BCO1: variants seen among roughly 807,000 people sequenced by gnomAD.
BCO1 encodes beta,beta-carotene 15,15'-dioxygenase.
BCO1 carries 54 observed loss-of-function variants against 56.3 expected under a neutral mutation model. The ratio of observed to expected loss-of-function variants is 0.96; its 90% CI spans 0.77 to 1.20. The LOEUF (loss-of-function observed/expected upper bound fraction) is 1.20, where lower values mean the gene tolerates loss of function less well. Ranked by LOEUF, BCO1 falls within the 50% of genes most tolerant of loss-of-function variation. The pLI, the probability that BCO1 is intolerant of heterozygous loss-of-function variation, is 0.00. For missense variants in BCO1, 801 were observed against 690.9 expected, an observed-to-expected ratio of 1.16 and a Z score of -1.79; for synonymous variants, 318 against 266.1, an observed-to-expected ratio of 1.20 and a Z score of -1.90.
At chr16:81,259,895 T>C (rs1906378985) in intron 3 of BCO1, 90 bp downstream of exon 3, 2 of 1,534,166 alleles carry the variant, frequency 1.3e-6, no homozygotes, top group East Asian at 2.3e-5. Context: ...CTGACAATTC[T>C]CTTTAGGGTA....
At position 81,264,694 on chromosome 16, in the gene BCO1, G is replaced by A; in HGVS notation, c.526G>A (p.Asp176Asn). Residue 176 changes from aspartate to asparagine, a missense_variant, in exon 5 of 11, where the codon GAT becomes AAT. Coordinates refer to ENST00000258168, the MANE Select transcript of BCO1 (RefSeq NM_017429.3). The part of the protein sequence containing the change: ...VNLATSHPHY[D>N]EAGNVLNMGT... The stretch of plus-strand genomic sequence containing the variant: ...TCTGGCAACGTCACATCCCCATTAT[G>A]ATGAGGCTGGAAATGTTCTAAACAT... 1.2e-6 allele frequency: 2 copies of A among 1,614,166 alleles called. No homozygotes were observed. The highest frequency in any genetic ancestry group is 1.7e-6 in the Non-Finnish European group (2 of 1,179,992).
At chr16:81,267,312 A>G (rs1323088181) in intron 5 of BCO1, among the ~76,000 whole-genome samples, 2 of 152,086 alleles carry the variant, frequency 1.3e-5, no homozygotes, top group African/African-American at 4.8e-5. Context: ...ATCTGCATTT[A>G]TATAAAACCC....
intron 1 of BCO1, among the ~76,000 whole-genome samples, 180 bp from the exon 2 acceptor site, chr16:81,245,295 C>G (rs1190652254): frequency 1.3e-5 from 2 of 152,216 alleles, no homozygotes; most frequent in African/African-American, 4.8e-5. Flanking sequence ...TCTTGGTATC[C>G]TCAGTGCTAG....
At chr16:81,252,367 T>G (rs1329904283) in intron 2 of BCO1, among the ~76,000 whole-genome samples, 1 of 152,128 alleles carries the variant, frequency 6.6e-6, no homozygotes, top group Non-Finnish European at 1.5e-5. Flanking sequence ...TCAATTCTCC[T>G]GCCTCAGCCT....
At chr16:81,281,494 G>T (rs1907879857) in intron 8 of BCO1, among the ~76,000 whole-genome samples, 1 of 152,168 alleles carries the variant, frequency 6.6e-6, no homozygotes, top group South Asian at 2.1e-4. Context: ...TGTTGGGCCA[G>T]ATGACTTCTG....
chr16:81,242,496 G>A (rs1206796196), intron 1 of BCO1, among the ~76,000 whole-genome samples: 1 of 152,022 alleles, frequency 6.6e-6, no homozygotes, highest in East Asian at 1.9e-4. Flanking sequence ...CCACCGCGCT[G>A]GCCTCGGCTG....
chr16:81,248,052 G>A (rs376447291), intron 2 of BCO1, among the ~76,000 whole-genome samples: 38 of 152,026 alleles, frequency 2.5e-4, no homozygotes, highest in Admixed American at 2.0e-4. Flanking sequence ...TGTGTAAACA[G>A]CTCTGTATTA....
In BCO1 at chr16:81,280,883, C is replaced by G; in HGVS notation, c.1128C>G (p.Ile376Met). ...DKNAEVGTNLIKVASTTATAL... is the reference protein window; with the variant it reads ...DKNAEVGTNLMKVASTTATAL... Reference sequence around the variant, plus strand: ...ATGCAGAAGTGGGCACAAATTTAATCAAAGTGGCATCTACAACAGCCACGG... The same window carrying G: ...ATGCAGAAGTGGGCACAAATTTAATGAAAGTGGCATCTACAACAGCCACGG... The change falls in exon 8 of 11, where the codon ATC (isoleucine) becomes ATG (methionine). Residue 376 changes from isoleucine (I) to methionine (M), a missense_variant. Physicochemically the swap from Ile to Met is conservative, Grantham distance 10 (BLOSUM62 1). Coordinates refer to ENST00000258168, the MANE Select transcript of BCO1 (RefSeq NM_017429.3). The G allele has an allele frequency of 6.2e-7, 1 of 1,613,944 alleles. No individual in the cohort carries two copies. Among genetic ancestry groups the G allele is most frequent in the East Asian group, 2.2e-5 (1 of 44,876 alleles).
At chr16:81,282,073 G>C (rs1907913821) in intron 8 of BCO1, among the ~76,000 whole-genome samples, 2 of 152,222 alleles carry the variant, frequency 1.3e-5, no homozygotes, top group African/African-American at 2.4e-5. Flanking sequence ...GAGTGGGACA[G>C]AGTGCATTTC....
chr16:81,245,715 C>G (rs995386308), intron 2 of BCO1, 112 bp downstream of exon 2: 5 of 1,387,000 alleles, frequency 3.6e-6, no homozygotes, highest in East Asian at 2.4e-5. Context: ...AAGTCTAAAT[C>G]GGGTCTCACT....
At chr16:81,272,140 G>T (rs1251891408) in intron 7 of BCO1, among the ~76,000 whole-genome samples, 1 of 134,086 alleles carries the variant, frequency 7.5e-6, no homozygotes, top group Non-Finnish European at 1.5e-5. Context: ...TTGAGAAGGA[G>T]TCTCGCTCTG....
intron 7 of BCO1, among the ~76,000 whole-genome samples, chr16:81,274,210 G>T (rs1907409778): frequency 6.7e-6 from 1 of 149,946 alleles, no homozygotes; most frequent in African/African-American, 2.4e-5. Context: ...TCATGCTCGA[G>T]AATGCTTTGC....
At chr16:81,290,155 G>A (rs958637863) in intron 10 of BCO1, among the ~76,000 whole-genome samples, 193 bp from the exon 11 acceptor site, 5 of 152,168 alleles carry the variant, frequency 3.3e-5, no homozygotes, top group African/African-American at 9.7e-5. Context: ...GAGCCACCGC[G>A]CCCGGCCTAG....
chr16:81,256,587 C>A (rs997825991), intron 2 of BCO1, among the ~76,000 whole-genome samples: 1 of 152,022 alleles, frequency 6.6e-6, no homozygotes, highest in Non-Finnish European at 1.5e-5. Context: ...TTCAAACTGC[C>A]CAGGAAATAA....
At position 81,262,150 on chromosome 16, in the gene BCO1, T is replaced by C. The variant is rs2151936980; in HGVS notation, c.338T>C (p.Leu113Ser). The change falls in exon 4 of 11, where the codon TTG becomes TCG. Residue 113 changes from leucine to serine, a missense_variant. By Grantham distance (145) the Leu-to-Ser change is moderately radical. Coordinates refer to ENST00000258168, the MANE Select transcript of BCO1 (RefSeq NM_017429.3). ...TTTCTCCCCAGAGCTTTCTCCTACTTGTCTCACACCATCCCCGATTTCACC... is the reference window on the plus strand; with the variant it reads ...TTTCTCCCCAGAGCTTTCTCCTACTCGTCTCACACCATCCCCGATTTCACC... ...KNIFSKAFSY[L>S]SHTIPDFTDN... 1.2e-6 allele frequency: 2 copies of C among 1,613,922 alleles called. No homozygotes were observed. The highest frequency in any genetic ancestry group is 1.1e-5 in the South Asian group (1 of 91,070).
intron 7 of BCO1, among the ~76,000 whole-genome samples, chr16:81,274,477 G>A (rs955327588): frequency 2.2e-4 from 33 of 152,038 alleles, no homozygotes; most frequent in Non-Finnish European, 8.8e-5. Flanking sequence ...TATTAGCCAG[G>A]ATGGTCTCGA....
At chr16:81,281,006 T>A (rs778611017) in intron 8 of BCO1, 44 bp downstream of exon 8, 6 of 1,432,950 alleles carry the variant, frequency 4.2e-6, no homozygotes, top group Middle Eastern at 1.7e-4. Context: ...AGGGGCAGAT[T>A]TTCACAGGGA....
At chr16:81,273,967 G>C (rs1907396198) in intron 7 of BCO1, among the ~76,000 whole-genome samples, 1 of 152,192 alleles carries the variant, frequency 6.6e-6, no homozygotes, top group African/African-American at 2.4e-5. Flanking sequence ...AGGGCTATTG[G>C]ATGAACAGCC....
At chr16:81,277,717 C>T (rs1038282422) in intron 7 of BCO1, among the ~76,000 whole-genome samples, 2 of 152,134 alleles carry the variant, frequency 1.3e-5, no homozygotes, top group East Asian at 1.9e-4. Flanking sequence ...CCTTAAGTGT[C>T]GGGATTTCAA....
Sources: allele counts gnomAD v4.1 joint callset (sites outside exome capture counted in the v4.1 genomes callset), GRCh38; gene constraint gnomAD v4.1.1; transcripts MANE v1.5; gene names NCBI Gene and HGNC (gene_info 2026-07-23, HGNC 2026-07-21).